The following FAM81A variants were observed in gnomAD, a reference collection of about 807,000 sequenced individuals.
FAM81A encodes the protein family with sequence similarity 81 member A.
Under a neutral mutation model 46.7 loss-of-function variants are expected in FAM81A, and 19 were observed. The observed-to-expected ratio is 0.41, with a 90% CI of 0.28 to 0.60. The LOEUF (loss-of-function observed/expected upper bound fraction) is 0.60. Ranked by LOEUF, FAM81A falls within the 20% of genes least tolerant of loss-of-function variation. The probability of loss-of-function intolerance (pLI) is 0.34; values close to 1 mark genes in which losing one functional copy is unlikely to be tolerated. For synonymous variants in FAM81A, 183 were observed against 152.9 expected, an observed-to-expected ratio of 1.20 and a Z score of -1.45; for missense variants, 377 against 453.5, an observed-to-expected ratio of 0.83 and a Z score of 1.53.
chr15:59,490,119 A>G (rs969471973), intron 3 of FAM81A, among the ~76,000 whole-genome samples: 4 of 151,316 alleles, frequency 2.6e-5, no homozygotes, highest in African/African-American at 9.7e-5. Context: ...TAAAAGTTGA[A>G]AAAAAAAAAA....
At chr15:59,504,440 T>A (rs1467348727) in intron 4 of FAM81A, among the ~76,000 whole-genome samples, 1 of 152,242 alleles carries the variant, frequency 6.6e-6, no homozygotes, top group Non-Finnish European at 1.5e-5. Context: ...GAGGCATATA[T>A]AATGTCTCCT....
At chr15:59,503,288 C>G (rs1457076951) in intron 4 of FAM81A, among the ~76,000 whole-genome samples, 1 of 150,790 alleles carries the variant, frequency 6.6e-6, no homozygotes, top group Admixed American at 6.6e-5. Flanking sequence ...TGTTTTACTC[C>G]TTAGAGGTAA....
At chr15:59,430,995 A>G (rs2081217357) in intron 2 of FAM81A, among the ~76,000 whole-genome samples, 1 of 152,222 alleles carries the variant, frequency 6.6e-6, no homozygotes, top group African/African-American at 2.4e-5. Context: ...TGTATGTTAA[A>G]CATAATAAAT....
intron 7 of FAM81A, among the ~76,000 whole-genome samples, chr15:59,516,245 C>T (rs1400230869): frequency 2.0e-5 from 3 of 151,814 alleles, no homozygotes; most frequent in African/African-American, 4.8e-5. Context: ...CCTGCCTCAG[C>T]CTCCTATGTA....
intron 2 of FAM81A, chr15:59,408,938 G>A (rs891076033): frequency 2.0e-5 from 3 of 152,192 alleles, no homozygotes; most frequent in Non-Finnish European, 2.9e-5. Flanking sequence ...ATCTCACTTT[G>A]ATTGTTCACA....
upstream of FAM81A, among the ~76,000 whole-genome samples, chr15:59,433,919 G>C (rs1473433061): frequency 1.3e-5 from 2 of 152,134 alleles, no homozygotes; most frequent in African/African-American, 4.8e-5. Context: ...ACAGTGGCGC[G>C]ATCTAGGCTC....
Sources: allele counts gnomAD v4.1 joint callset (sites outside exome capture counted in the v4.1 genomes callset), GRCh38; gene constraint gnomAD v4.1.1; transcripts MANE v1.5; gene names NCBI Gene and HGNC (gene_info 2026-07-23, HGNC 2026-07-21).